KCNIP4: variants seen among roughly 807,000 people sequenced by gnomAD.
KCNIP4 encodes the protein potassium voltage-gated channel interacting protein 4.
Under a neutral mutation model 34.0 loss-of-function variants are expected in KCNIP4, and 12 were observed. That is an observed-to-expected ratio of 0.35 (90% CI 0.23 to 0.57). The LOEUF is 0.57. Among genes scored for constraint, KCNIP4 ranks in the 20% least tolerant of loss-of-function variants. The pLI, the probability that KCNIP4 is intolerant of heterozygous loss-of-function variation, is 0.83. For synonymous variants in KCNIP4, 124 were observed against 102.2 expected (o/e 1.21, Z -1.29); for missense variants, 238 against 311.7 (o/e 0.76, Z 1.78).
At chr4:20,972,938 A>G (rs1345161207) in intron 1 of KCNIP4, among the ~76,000 whole-genome samples, 5 of 152,232 alleles carry the variant, frequency 3.3e-5, no homozygotes, top group African/African-American at 1.2e-4. Context: ...TGATCAAACT[A>G]GAACAAATGA....
At chr4:20,881,959 G>A (rs1198947555) in intron 2 of KCNIP4, among the ~76,000 whole-genome samples, 4 of 152,254 alleles carry the variant, frequency 2.6e-5, no homozygotes, top group African/African-American at 9.6e-5. Context: ...AGACATGCCA[G>A]TCCCCATAAT....
chr4:21,560,896 C>CA (rs1217679996), intron 1 of KCNIP4, among the ~76,000 whole-genome samples: 1 of 151,950 alleles, frequency 6.6e-6, no homozygotes, highest in African/African-American at 2.4e-5. Context: ...GGTGCCTCCA[C>CA]AAATGAAAAA....
At chr4:21,830,708 G>A (rs360688) in intron 1 of KCNIP4, among the ~76,000 whole-genome samples, 57,828 of 151,518 alleles carry the variant, frequency 0.38, 12,535 homozygotes, top group Non-Finnish European at 0.51. Context: ...ATACTACTAG[G>A]AAACTTCAAT....
At chr4:21,041,011 T>C (rs1741910442) in intron 1 of KCNIP4, among the ~76,000 whole-genome samples, 1 of 151,762 alleles carries the variant, frequency 6.6e-6, no homozygotes, top group Non-Finnish European at 1.5e-5. Context: ...ATGCCTTATA[T>C]ACTTTTATTG....
chr4:21,507,761 C>G (rs1277382675), intron 1 of KCNIP4, among the ~76,000 whole-genome samples: 2 of 152,058 alleles, frequency 1.3e-5, no homozygotes, highest in Non-Finnish European at 2.9e-5. Flanking sequence ...TTATGATGAA[C>G]TAACAGGATA....
chr4:20,757,486 G>A (rs973798208), intron 4 of KCNIP4, among the ~76,000 whole-genome samples: 6 of 151,984 alleles, frequency 3.9e-5, no homozygotes, highest in African/African-American at 1.2e-4. Flanking sequence ...TCTTCATATG[G>A]CATCCTTGAC....
chr4:21,506,708 T>C (rs917818980), intron 1 of KCNIP4, among the ~76,000 whole-genome samples: 1 of 152,250 alleles, frequency 6.6e-6, no homozygotes, highest in Non-Finnish European at 1.5e-5. Context: ...TTAAATATAA[T>C]GCAAACTGCA....
intron 1 of KCNIP4, among the ~76,000 whole-genome samples, chr4:21,397,126 TA>T (rs1364988967): frequency 6.6e-6 from 1 of 152,088 alleles, no homozygotes; most frequent in Non-Finnish European, 1.5e-5. Context: ...AAAGAAGAAT[TA>T]AGAAGATAGA....
rs190734971 is a variant in KCNIP4 at position 21,287,595 on chromosome 4, C to T, written c.62-404886G>A. On this transcript the variant is annotated intron_variant, in intron 1 of 8. Transcript: ENST00000382152. ...GGGACACAGGTAAGTTAATTTACGT[C>T]TCAAAAGTCCTACTAGTTACTTACG... 7.9e-5 allele frequency among the ~76,000 whole-genome samples: 12 copies of T among 152,260 alleles called. No individual in the cohort carries two copies. In the East Asian group the frequency reaches 2.3e-3, roughly 29 times the overall value.
rs1209511707 is a variant in KCNIP4 at position 21,177,897 on chromosome 4, G to T, written c.62-295188C>A. ...ATATATAAAATATAACATTTAAAAA[G>T]AAAAATTTAAACAAAGTTTGCAATA... is the stretch of plus-strand genomic sequence containing the variant. On this transcript the variant is annotated intron_variant, in intron 1 of 8. Transcript: ENST00000382152. Among the ~76,000 whole-genome samples the T allele has an allele frequency of 1.6e-3, 225 of 144,860 alleles. 3 individuals are homozygous for T. The highest frequency in any genetic ancestry group is 5.8e-3 in the African/African-American group (217 of 37,612).
chr4:21,109,141 G>C (rs1341488706), intron 1 of KCNIP4, among the ~76,000 whole-genome samples: 1 of 152,144 alleles, frequency 6.6e-6, no homozygotes, highest in Non-Finnish European at 1.5e-5. Context: ...CTGTCAGACA[G>C]GGACATTTAA....
intron 1 of KCNIP4, among the ~76,000 whole-genome samples, chr4:21,521,922 TA>T (rs200751934): frequency 0.014 from 1,895 of 139,410 alleles, 19 homozygotes; most frequent in African/African-American, 0.023. Context: ...AGCATTGTAA[TA>T]AAAAAAAAAA....
rs1177682300 is a variant in KCNIP4 at position 21,121,028 on chromosome 4, TG to T, written c.62-238320del. Among the ~76,000 whole-genome samples, 7 of 152,344 alleles carry T rather than the reference TG, an allele frequency of 4.6e-5. No homozygotes were observed. The South Asian group carries it at 1.4e-3, about 32-fold the overall frequency. The stretch of plus-strand genomic sequence containing the variant: ...CTGAGTGTGTGACAGTTTGCCCCAC[TG>T]TGTGCTTTAAAATGAACTAGCTTCT... On this transcript the variant is annotated intron_variant, in intron 1 of 8. Transcript: ENST00000382152.
intron 1 of KCNIP4, among the ~76,000 whole-genome samples, chr4:21,347,283 A>G (rs1182431523): frequency 6.6e-6 from 1 of 152,220 alleles, no homozygotes; most frequent in African/African-American, 2.4e-5. Context: ...GAGGAACCAA[A>G]GGAGCAGGCA....
Position 21,315,820 on chromosome 4 carries a change from A to G in KCNIP4, c.62-433111T>C, listed in dbSNP as rs544280584. Among the ~76,000 whole-genome samples, 13 of 152,284 alleles carry G rather than the reference A, an allele frequency of 8.5e-5. No individual in the cohort carries two copies. The South Asian group carries it at 2.7e-3, about 32-fold the overall frequency. ...ATACCTTGTTGTCAAAGTGAAAGGAACATGTAATTCCCCAGCTTCGATTTT... is the reference window on the plus strand; with the variant it reads ...ATACCTTGTTGTCAAAGTGAAAGGAGCATGTAATTCCCCAGCTTCGATTTT... On this transcript the variant is annotated intron_variant, in intron 1 of 8. Transcript: ENST00000382152.
intron 1 of KCNIP4, among the ~76,000 whole-genome samples, chr4:21,112,406 C>T (rs142738854): frequency 7.9e-5 from 12 of 152,236 alleles, no homozygotes; most frequent in South Asian, 6.2e-4. Flanking sequence ...ACTTTGTATG[C>T]GGATGGAGTT....
At chr4:21,460,765 G>C (rs1034874263) in intron 1 of KCNIP4, among the ~76,000 whole-genome samples, 5 of 151,992 alleles carry the variant, frequency 3.3e-5, no homozygotes, top group Admixed American at 1.3e-4. Flanking sequence ...AGTAACTTTA[G>C]AGAATGTCAT....
intron 1 of KCNIP4, among the ~76,000 whole-genome samples, chr4:21,277,558 AAGG>A (rs1762515856): frequency 1.3e-5 from 2 of 152,344 alleles, no homozygotes; most frequent in African/African-American, 4.8e-5. Context: ...CAGATATAAA[AAGG>A]AGTTCATTAA....
In KCNIP4 at chr4:21,541,196, A is replaced by AAAAAAG. The variant is rs1491503333; in HGVS notation, c.61+407374_61+407375insCTTTTT. ...AAAAGAAAACAAAAAAAAAAAAAAA[A>AAAAAAG]AGAGAGAGAGAGAGAGATGAAAAAA... On this transcript the variant is annotated intron_variant, in intron 1 of 8. Coordinates refer to ENST00000382152, the MANE Select transcript of KCNIP4 (RefSeq NM_025221.6). 1.1e-4 allele frequency among the ~76,000 whole-genome samples: 16 copies of AAAAAAG among 146,828 alleles called. No individual in the cohort carries two copies. In the South Asian group the frequency reaches 2.3e-3, roughly 21 times the overall value.
Sources: allele counts gnomAD v4.1 joint callset (sites outside exome capture counted in the v4.1 genomes callset), GRCh38; gene constraint gnomAD v4.1.1; transcripts MANE v1.5; gene names NCBI Gene and HGNC (gene_info 2026-07-23, HGNC 2026-07-21).